The following ERC2 variants were observed in gnomAD, a reference collection of about 807,000 sequenced individuals.
ERC2 encodes ELKS/RAB6-interacting/CAST family member 2.
ERC2 carries 42 observed loss-of-function variants against 114.8 expected under a neutral mutation model. The observed-to-expected ratio is 0.37, with a 90% confidence interval of 0.29 to 0.47. The LOEUF (loss-of-function observed/expected upper bound fraction) is 0.47, where lower values mean the gene tolerates loss of function less well. Ranked by LOEUF, ERC2 falls within the 20% of genes least tolerant of loss-of-function variation. The pLI is 0.99. For missense variants in ERC2, 939 were observed against 1,150.7 expected (o/e 0.82, Z 2.66); for synonymous variants, 454 against 425.5 (o/e 1.07, Z -0.82).
intron 2 of ERC2, among the ~76,000 whole-genome samples, chr3:56,396,498 A>G (rs2060310975): frequency 6.6e-6 from 1 of 152,188 alleles, no homozygotes; most frequent in African/African-American, 2.4e-5. Flanking sequence ...GCTCACATAG[A>G]AAGGTGGCCA....
intron 3 of ERC2, among the ~76,000 whole-genome samples, chr3:56,230,503 T>A (rs1176320815): frequency 1.3e-5 from 2 of 151,650 alleles, no homozygotes; most frequent in African/African-American, 4.8e-5. Flanking sequence ...CAAGCACTCT[T>A]CTTGTCTCAG....
chr3:56,426,503 G>T (rs1312831370), intron 2 of ERC2, among the ~76,000 whole-genome samples: 1 of 152,192 alleles, frequency 6.6e-6, no homozygotes, highest in Non-Finnish European at 1.5e-5. Context: ...CTCTGCCTTG[G>T]CAGGGAGTAA....
chr3:56,208,857 G>C (rs2048890438), intron 3 of ERC2, among the ~76,000 whole-genome samples: 1 of 152,124 alleles, frequency 6.6e-6, no homozygotes, highest in Admixed American at 6.5e-5. Flanking sequence ...AACTAGGCCA[G>C]GGGAAAATTC....
At chr3:56,461,696 C>T (rs1014663866) in intron 1 of ERC2, among the ~76,000 whole-genome samples, 2 of 152,084 alleles carry the variant, frequency 1.3e-5, no homozygotes, top group Admixed American at 6.5e-5. Flanking sequence ...AATCATGAAC[C>T]AGGAAGGGTG....
intron 13 of ERC2, among the ~76,000 whole-genome samples, chr3:55,947,185 T>C (rs1263287581): frequency 6.6e-6 from 1 of 152,184 alleles, no homozygotes; most frequent in Admixed American, 6.5e-5. Context: ...TTTACAGCAG[T>C]GTTCAACCAG....
chr3:56,201,388 T>C (rs1011798204), intron 3 of ERC2, among the ~76,000 whole-genome samples: 1 of 152,256 alleles, frequency 6.6e-6, no homozygotes, highest in Non-Finnish European at 1.5e-5. Context: ...CTGGGGTCAG[T>C]TCACTCTTCT....
rs562478242 is a variant in ERC2, at chr3:56,258,747, G to A, written c.1074+37272C>T. ...CCATGGGCTGTAGTTTGCCAACCCT[G>A]ATATAAACTGGAAATGTACCTTTGT... On this transcript the variant is annotated intron_variant, in intron 3 of 17. Coordinates refer to ENST00000288221, the MANE Select transcript of ERC2 (RefSeq NM_015576.3). Among the ~76,000 whole-genome samples the A allele has an allele frequency of 5.9e-5, 9 of 152,274 alleles. No individual in the cohort carries two copies. The South Asian group carries it at 8.3e-4, about 14-fold the overall frequency.
At chr3:56,421,490 G>C (rs1465797290) in intron 2 of ERC2, among the ~76,000 whole-genome samples, 1 of 152,220 alleles carries the variant, frequency 6.6e-6, no homozygotes, top group Non-Finnish European at 1.5e-5. Context: ...CCCAAGCTAG[G>C]TCAATTGGAT....
chr3:55,834,859 T>C (rs1211183064), intron 14 of ERC2, among the ~76,000 whole-genome samples: 1 of 140,072 alleles, frequency 7.1e-6, no homozygotes, highest in Admixed American at 7.0e-5. Context: ...CTAGCAAGAC[T>C]AATAAAGAAG....
chr3:55,969,058 A>C (rs2068961160), intron 12 of ERC2, among the ~76,000 whole-genome samples: 1 of 151,968 alleles, frequency 6.6e-6, no homozygotes, highest in South Asian at 2.1e-4. Context: ...GTATACCCAG[A>C]CTCGAATGAT....
At chr3:56,238,086 G>A (rs191290028) in intron 3 of ERC2, among the ~76,000 whole-genome samples, 6 of 152,220 alleles carry the variant, frequency 3.9e-5, no homozygotes, top group African/African-American at 1.2e-4. Flanking sequence ...ACTTTAGAGG[G>A]CACATGACAA....
At chr3:55,633,525 G>A (rs778636291) in intron 17 of ERC2, among the ~76,000 whole-genome samples, 14 of 152,104 alleles carry the variant, frequency 9.2e-5, no homozygotes, top group Admixed American at 1.3e-4. Context: ...TAAGCTTCTC[G>A]GGGACTGCTC....
At chr3:55,697,815 G>C (rs756201401) in intron 16 of ERC2, among the ~76,000 whole-genome samples, 1 of 151,944 alleles carries the variant, frequency 6.6e-6, no homozygotes, top group South Asian at 2.1e-4. Context: ...GTGTGGCTCA[G>C]AATGAATGGC....
At chr3:56,303,870 C>T (rs777008398) in intron 2 of ERC2, among the ~76,000 whole-genome samples, 1 of 151,908 alleles carries the variant, frequency 6.6e-6, no homozygotes, top group Non-Finnish European at 1.5e-5. Flanking sequence ...CTGGGAGAGG[C>T]GATTAGGCAG....
intron 2 of ERC2, among the ~76,000 whole-genome samples, chr3:56,319,336 A>G (rs1409506462): frequency 6.6e-6 from 1 of 152,184 alleles, no homozygotes; most frequent in African/African-American, 2.4e-5. Context: ...ATTCTGCCAT[A>G]TGCCACAACA....
intron 5 of ERC2, among the ~76,000 whole-genome samples, chr3:56,144,531 T>A (rs545382695): frequency 1.3e-5 from 2 of 152,286 alleles, no homozygotes; most frequent in Admixed American, 1.3e-4. Context: ...AAAAAACCGA[T>A]TCGTGCTAAC....
Position 55,575,742 on chromosome 3 carries a change from G to T in ERC2, c.*40-64466C>A, listed in dbSNP as rs576457423. 4.3e-4 allele frequency among the ~76,000 whole-genome samples: 66 copies of T among 152,254 alleles called. 1 individual carries two copies. Among genetic ancestry groups the T allele is most frequent in the African/African-American group, 1.5e-3 (63 of 41,548 alleles). On this transcript the variant is annotated intron_variant, in intron 17 of 17. Coordinates refer to ENST00000288221, the MANE Select transcript of ERC2 (RefSeq NM_015576.3). ...CAGCTGAGGGGAGAGGAAGGACCAA[G>T]GGCACCAAATTTACCCCCTGGCTGA... is the stretch of plus-strand genomic sequence containing the variant.
chr3:56,357,450 C>T (rs549000796), intron 2 of ERC2, among the ~76,000 whole-genome samples: 1 of 152,312 alleles, frequency 6.6e-6, no homozygotes, highest in Non-Finnish European at 1.5e-5. Context: ...ACAACCACAA[C>T]TTCCACCTCT....
At chr3:56,044,426 T>C (rs1341846260) in intron 7 of ERC2, among the ~76,000 whole-genome samples, 1 of 152,156 alleles carries the variant, frequency 6.6e-6, no homozygotes, top group Non-Finnish European at 1.5e-5. Flanking sequence ...TAAGAGATTA[T>C]GTAACTTTAT....
Sources: gnomAD v4.1 joint callset for allele counts (sites outside exome capture counted in the v4.1 genomes callset) on GRCh38, gnomAD v4.1.1 for gene constraint, MANE v1.5 for transcripts, NCBI Gene and HGNC (gene_info 2026-07-23, HGNC 2026-07-21) for gene names.